HCN1: variants seen among roughly 807,000 people sequenced by gnomAD.
HCN1 encodes potassium/sodium hyperpolarization-activated cyclic nucleotide-gated channel 1.
Under a neutral mutation model 78.9 loss-of-function variants are expected in HCN1, and 13 were observed. The ratio of observed to expected loss-of-function variants is 0.16; its 90% confidence interval spans 0.11 to 0.26. The LOEUF (loss-of-function observed/expected upper bound fraction) is 0.26, where lower values mean the gene tolerates loss of function less well. Ranked by LOEUF, HCN1 falls within the 10% of genes least tolerant of loss-of-function variation. The pLI is 1.00. For missense variants in HCN1, 810 were observed against 1,154.3 expected, an observed-to-expected ratio of 0.70 and a Z score of 4.32; for synonymous variants, 552 against 455.5, an observed-to-expected ratio of 1.21 and a Z score of -2.70.
intron 3 of HCN1, among the ~76,000 whole-genome samples, chr5:45,414,090 T>A (rs537572089): frequency 6.6e-6 from 1 of 152,024 alleles, no homozygotes; most frequent in South Asian, 2.1e-4. Context: ...AGAAAGCAAA[T>A]CTTTATGGCC....
At chr5:45,353,041 T>A in intron 5 of HCN1, 59 bp downstream of exon 5, 1 of 1,431,736 alleles carries the variant, frequency 7.0e-7, no homozygotes, top group Non-Finnish European at 9.8e-7. Context: ...AGATTCTCCA[T>A]GAAGAGAGAA....
At chr5:45,581,293 G>T (rs1011472564) in intron 2 of HCN1, among the ~76,000 whole-genome samples, 1 of 152,226 alleles carries the variant, frequency 6.6e-6, no homozygotes, top group Non-Finnish European at 1.5e-5. Flanking sequence ...GACCAGTGAT[G>T]ATGAGCATTT....
chr5:45,658,711 G>C (rs973158535), intron 1 of HCN1, among the ~76,000 whole-genome samples: 2 of 151,624 alleles, frequency 1.3e-5, no homozygotes, highest in Non-Finnish European at 2.9e-5. Context: ...CTGGAAAATC[G>C]GGTCACTCCC....
intron 2 of HCN1, among the ~76,000 whole-genome samples, chr5:45,501,563 T>C (rs1158113773): frequency 1.3e-5 from 2 of 151,876 alleles, no homozygotes; most frequent in Non-Finnish European, 2.9e-5. Context: ...GCCCCCTGAG[T>C]CTGAGTAGCT....
At chr5:45,379,295 C>T (rs944406621) in intron 4 of HCN1, among the ~76,000 whole-genome samples, 6 of 152,032 alleles carry the variant, frequency 3.9e-5, no homozygotes, top group Non-Finnish European at 7.4e-5. Context: ...TGTTTCCTGA[C>T]TTTTTAATGA....
At chr5:45,371,792 CAT>C (rs976928102) in intron 4 of HCN1, among the ~76,000 whole-genome samples, 24 of 139,234 alleles carry the variant, frequency 1.7e-4, no homozygotes, top group Non-Finnish European at 3.2e-4. Flanking sequence ...TACACACACA[CAT>C]ACACACACAA....
intron 5 of HCN1, among the ~76,000 whole-genome samples, chr5:45,327,035 A>G (rs550381416): frequency 6.6e-6 from 1 of 151,842 alleles, no homozygotes; most frequent in East Asian, 1.9e-4. Flanking sequence ...TATTGACAGG[A>G]AGAGTGTTCA....
Position 45,458,422 on chromosome 5 carries a change from G to T in HCN1, c.1011+3424C>A, listed in dbSNP as rs150412829. 3.4e-4 allele frequency among the ~76,000 whole-genome samples: 51 copies of T among 152,130 alleles called. 1 individual carries two copies. The East Asian group carries it at 7.7e-3, about 23-fold the overall frequency. On this transcript the variant is annotated intron_variant, in intron 3 of 7. Coordinates refer to ENST00000303230, the MANE Select transcript of HCN1 (RefSeq NM_021072.4). ...TGTCAAGCCCAAACCCAAGAAAGACGAGTGCATTCCTGCATATATCCTGGC... is the reference window on the plus strand; with the variant it reads ...TGTCAAGCCCAAACCCAAGAAAGACTAGTGCATTCCTGCATATATCCTGGC...
intron 3 of HCN1, among the ~76,000 whole-genome samples, chr5:45,446,040 ATGACTT>A (rs1740786981): frequency 6.6e-6 from 1 of 152,228 alleles, no homozygotes; most frequent in Non-Finnish European, 1.5e-5. Context: ...TGGACAGAGA[ATGACTT>A]TGACGAGTTG....
rs558972563 is a variant in HCN1 at position 45,267,366 on chromosome 5, G to A, written c.1619-113C>T. 3.8e-5 allele frequency: 34 copies of A among 883,148 alleles called. No individual in the cohort carries two copies. The African/African-American group carries it at 5.1e-4, about 13-fold the overall frequency. The allele number at this position is 883,148 out of a possible 1,614,324, so 54.7% of individuals were successfully genotyped here. ...TCATGGTGTGAAAAAACAATTATTA[G>A]CAGCATTTTCTATTATATCAGCAAA... On this transcript the variant is annotated intron_variant, in intron 6 of 7. Coordinates refer to ENST00000303230, the MANE Select transcript of HCN1 (RefSeq NM_021072.4).
intron 3 of HCN1, among the ~76,000 whole-genome samples, chr5:45,444,858 T>C (rs1740754681): frequency 6.6e-6 from 1 of 152,158 alleles, no homozygotes; most frequent in Non-Finnish European, 1.5e-5. Context: ...ATGTGCAGGT[T>C]AGCTACATGT....
At chr5:45,323,950 C>T (rs2111940646) in intron 5 of HCN1, among the ~76,000 whole-genome samples, 1 of 152,012 alleles carries the variant, frequency 6.6e-6, no homozygotes, top group Non-Finnish European at 1.5e-5. Flanking sequence ...TTTCTTAATC[C>T]AGTCTATCAT....
intron 2 of HCN1, among the ~76,000 whole-genome samples, chr5:45,524,554 C>G (rs1446055946): frequency 3.9e-5 from 6 of 152,098 alleles, no homozygotes; most frequent in Non-Finnish European, 7.4e-5. Flanking sequence ...TTGTAGTTCT[C>G]CTTGAAGAGG....
intron 4 of HCN1, among the ~76,000 whole-genome samples, chr5:45,372,045 A>ATATATATAATATAATTATATTATATAT (rs1401044737): frequency 4.3e-4 from 24 of 56,290 alleles, no homozygotes; most frequent in Non-Finnish European, 6.2e-4. Flanking sequence ...TATATATATT[A>ATATATATAATATAATTATATTATATAT]TATATATAAT....
chr5:45,539,919 G>GAGATATATAT (rs1416474280), intron 2 of HCN1, among the ~76,000 whole-genome samples: 1 of 126,106 alleles, frequency 7.9e-6, no homozygotes, highest in African/African-American at 3.3e-5. Flanking sequence ...TAAATTGTGA[G>GAGATATATAT]ATATATATAT....
At chr5:45,294,610 C>T (rs190611604) in intron 6 of HCN1, among the ~76,000 whole-genome samples, 2 of 152,046 alleles carry the variant, frequency 1.3e-5, no homozygotes, top group Admixed American at 1.3e-4. Context: ...ACAAACTTTT[C>T]TTTAAAATCA....
At position 45,527,883 on chromosome 5, in the gene HCN1, A is replaced by G. The variant is rs145469720; in HGVS notation, c.850-65876T>C. On this transcript the variant is annotated intron_variant, in intron 2 of 7. Transcript: ENST00000303230. Reference sequence around the variant, plus strand: ...ATTTCTGAAGGTGACATGGTCAGTAATGATGGAGATGGGATCTAAACCAAA... The same window carrying G: ...ATTTCTGAAGGTGACATGGTCAGTAGTGATGGAGATGGGATCTAAACCAAA... Among the ~76,000 whole-genome samples the G allele has an allele frequency of 5.9e-3, 898 of 151,678 alleles. 38 individuals carry two copies. Among genetic ancestry groups the G allele is most frequent in the Admixed American group, 0.056 (845 of 15,202 alleles).
chr5:45,504,959 C>T (rs1238508354), intron 2 of HCN1, among the ~76,000 whole-genome samples: 5 of 151,978 alleles, frequency 3.3e-5, no homozygotes, highest in Admixed American at 2.6e-4. Context: ...TTGTTTTTTT[C>T]TTGTAAATTT....
At chr5:45,275,721 C>T (rs561195982) in intron 6 of HCN1, among the ~76,000 whole-genome samples, 46 of 152,220 alleles carry the variant, frequency 3.0e-4, no homozygotes, top group Middle Eastern at 6.8e-3. Flanking sequence ...GAAACAATCT[C>T]AGGTAGCCGC....
Sources: allele counts gnomAD v4.1 joint callset (sites outside exome capture counted in the v4.1 genomes callset), GRCh38; gene constraint gnomAD v4.1.1; transcripts MANE v1.5; gene names NCBI Gene and HGNC (gene_info 2026-07-23, HGNC 2026-07-21).